DAB1: variants seen among roughly 807,000 people sequenced by gnomAD.
DAB1 encodes disabled homolog 1.
In DAB1, 15 loss-of-function variants were observed where a neutral mutation model predicts 64.6. The ratio of observed to expected loss-of-function variants is 0.23; its 90% CI spans 0.16 to 0.36. The LOEUF is 0.36. DAB1 is among the 10% of genes least tolerant of loss of function. The pLI is 1.00. For missense variants in DAB1, 596 were observed against 706.7 expected (o/e 0.84, Z 1.78); for synonymous variants, 235 against 251.9 (o/e 0.93, Z 0.64).
chr1:58,489,369 C>T (rs1342491015), intron 3 of DAB1, among the ~76,000 whole-genome samples: 4 of 152,214 alleles, frequency 2.6e-5, no homozygotes, highest in African/African-American at 9.6e-5. Flanking sequence ...TGAGATCAAA[C>T]TGCAAGGTGG....
intron 6 of DAB1, among the ~76,000 whole-genome samples, chr1:57,683,831 G>A (rs1646664777): frequency 6.6e-6 from 1 of 152,310 alleles, no homozygotes; most frequent in Middle Eastern, 3.4e-3. Flanking sequence ...GAAGCTCAAT[G>A]AGATTCAGGA....
At chr1:58,457,716 T>A (rs1309623358) in intron 3 of DAB1, among the ~76,000 whole-genome samples, 1 of 152,216 alleles carries the variant, frequency 6.6e-6, no homozygotes, top group Non-Finnish European at 1.5e-5. Flanking sequence ...GGGTGAGGGC[T>A]TCCTGTCCTC....
chr1:57,486,806 G>A (rs1411853091), intron 7 of DAB1, among the ~76,000 whole-genome samples: 1 of 151,940 alleles, frequency 6.6e-6, no homozygotes, highest in Non-Finnish European at 1.5e-5. Context: ...AGAGGACAGA[G>A]GTGATAAATC....
intron 4 of DAB1, among the ~76,000 whole-genome samples, chr1:57,092,946 T>C (rs1053496682): frequency 2.6e-5 from 4 of 152,138 alleles, no homozygotes; most frequent in African/African-American, 9.7e-5. Flanking sequence ...CATTTCTTGA[T>C]CAGGAAAGGT....
intron 7 of DAB1, among the ~76,000 whole-genome samples, chr1:57,636,565 T>C (rs1416822949): frequency 1.3e-5 from 2 of 152,214 alleles, no homozygotes; most frequent in African/African-American, 4.8e-5. Flanking sequence ...ACCAGGGTAC[T>C]AGCAGTAGAG....
chr1:57,180,305 G>T (rs1662779413), intron 2 of DAB1, among the ~76,000 whole-genome samples: 1 of 152,128 alleles, frequency 6.6e-6, no homozygotes, highest in Admixed American at 6.5e-5. Context: ...GACTGTTTTG[G>T]CTAGTAACAG....
intron 3 of DAB1, among the ~76,000 whole-genome samples, chr1:58,384,883 C>T (rs972389271): frequency 6.7e-6 from 1 of 148,890 alleles, no homozygotes; most frequent in Non-Finnish European, 1.5e-5. Context: ...GCTTTATTCT[C>T]GCCTAACTGG....
chr1:57,240,810 T>C (rs1235641239), intron 2 of DAB1, among the ~76,000 whole-genome samples: 1 of 152,182 alleles, frequency 6.6e-6, no homozygotes, highest in African/African-American at 2.4e-5. Context: ...ATTCAACTGA[T>C]GTGATTAAAG....
intron 6 of DAB1, among the ~76,000 whole-genome samples, chr1:57,739,268 C>T (rs969542127): frequency 6.6e-5 from 10 of 152,016 alleles, no homozygotes; most frequent in Admixed American, 4.6e-4. Flanking sequence ...CAGAACAATA[C>T]CTGTGTGAAC....
At chr1:58,333,841 T>C (rs1478355425) in intron 4 of DAB1, among the ~76,000 whole-genome samples, 1 of 152,222 alleles carries the variant, frequency 6.6e-6, no homozygotes, top group East Asian at 1.9e-4. Context: ...GCAGAAATAA[T>C]ATTGTCAATC....
intron 5 of DAB1, among the ~76,000 whole-genome samples, chr1:58,147,001 GGGAATGTAAATA>G (rs919568994): frequency 2.0e-5 from 3 of 152,074 alleles, no homozygotes; most frequent in African/African-American, 7.2e-5. Flanking sequence ...TGCTGTTGGT[GGGAATGTAAATA>G]GTATAGCCAT....
intron 4 of DAB1, among the ~76,000 whole-genome samples, chr1:58,334,747 G>T (rs1053842727): frequency 6.6e-6 from 1 of 151,442 alleles, no homozygotes; most frequent in Admixed American, 6.6e-5. Flanking sequence ...TAAAAATGAG[G>T]TTCACATCAT....
intron 6 of DAB1, among the ~76,000 whole-genome samples, chr1:57,754,651 T>C (rs1265523078): frequency 6.8e-6 from 1 of 146,372 alleles, no homozygotes; most frequent in African/African-American, 2.5e-5. Context: ...GAGTGTGCCA[T>C]TGCACTCCAG....
intron 1 of DAB1, among the ~76,000 whole-genome samples, chr1:57,404,670 A>C (rs2101040244): frequency 6.6e-6 from 1 of 152,354 alleles, no homozygotes; most frequent in Admixed American, 6.5e-5. Flanking sequence ...AGAAAAATTC[A>C]TTACACTTGA....
intron 5 of DAB1, among the ~76,000 whole-genome samples, chr1:58,107,611 G>C (rs1377962479): frequency 6.6e-6 from 1 of 151,764 alleles, no homozygotes; most frequent in Non-Finnish European, 1.5e-5. Flanking sequence ...TTCTGTTTTT[G>C]TTTTTGTTTT....
chr1:58,348,774 G>C (rs1188274282), intron 3 of DAB1, among the ~76,000 whole-genome samples: 1 of 152,162 alleles, frequency 6.6e-6, no homozygotes, highest in Non-Finnish European at 1.5e-5. Context: ...CACATGAAAT[G>C]CTAAATTAGA....
chr1:58,174,971 A>C (rs777739907), intron 4 of DAB1, among the ~76,000 whole-genome samples: 32 of 152,316 alleles, frequency 2.1e-4, no homozygotes, highest in Middle Eastern at 6.8e-3. Context: ...ACCAATCAGC[A>C]CTCTGTAAAA....
At chr1:57,302,672 T>C (rs1363170760) in intron 1 of DAB1, among the ~76,000 whole-genome samples, 2 of 152,054 alleles carry the variant, frequency 1.3e-5, no homozygotes, top group Non-Finnish European at 2.9e-5. Flanking sequence ...GGTACAATCA[T>C]ACCTTACTGC....
At chr1:57,729,085 G>A (rs1015042440) in intron 6 of DAB1, among the ~76,000 whole-genome samples, 1 of 152,238 alleles carries the variant, frequency 6.6e-6, no homozygotes, top group East Asian at 1.9e-4. Context: ...TTTTATTAGA[G>A]ATGGAGGACT....
Sources: gnomAD v4.1 joint callset for allele counts (sites outside exome capture counted in the v4.1 genomes callset) on GRCh38, gnomAD v4.1.1 for gene constraint, MANE v1.5 for transcripts, NCBI Gene and HGNC (gene_info 2026-07-23, HGNC 2026-07-21) for gene names.